The following FAM13C variants were observed in gnomAD, a reference collection of about 807,000 sequenced individuals.
FAM13C encodes family with sequence similarity 13 member C, also known as protein FAM13C.
FAM13C carries 37 observed loss-of-function variants against 73.2 expected under a neutral mutation model. That is an observed-to-expected ratio of 0.51 (90% CI 0.39 to 0.67). The LOEUF (loss-of-function observed/expected upper bound fraction) is 0.67, where lower values mean the gene tolerates loss of function less well. Among genes scored for constraint, FAM13C ranks in the 30% least tolerant of loss-of-function variants. FAM13C has a pLI of 0.00. For missense variants in FAM13C, 589 were observed against 715.6 expected, an observed-to-expected ratio of 0.82 and a Z score of 2.02; for synonymous variants, 246 against 260.9, an observed-to-expected ratio of 0.94 and a Z score of 0.55.
chr10:59,338,677 A>G (rs1235810100), intron 3 of FAM13C, among the ~76,000 whole-genome samples: 12 of 152,112 alleles, frequency 7.9e-5, no homozygotes, highest in Non-Finnish European at 1.5e-5. Context: ...AGCTTCCCCA[A>G]GGTAGAAGTC....
chr10:59,302,969 T>C (rs1036475162), intron 4 of FAM13C, 105 bp from the exon 5 acceptor site: 3 of 965,482 alleles, frequency 3.1e-6, no homozygotes, highest in African/African-American at 3.3e-5. Flanking sequence ...ATAAAAACCC[T>C]TGGTTGTGTC....
At chr10:59,305,484 T>C (rs1293825999) in intron 4 of FAM13C, among the ~76,000 whole-genome samples, 7 of 152,228 alleles carry the variant, frequency 4.6e-5, no homozygotes, top group African/African-American at 2.4e-5. Context: ...CCTAATTATT[T>C]ACAGTTACTA....
intron 6 of FAM13C, among the ~76,000 whole-genome samples, chr10:59,277,281 AG>A (rs1414606556): frequency 6.6e-6 from 1 of 152,236 alleles, no homozygotes; most frequent in Non-Finnish European, 1.5e-5. Flanking sequence ...ATCTCTAGGA[AG>A]GGTTTGGAAA....
intron 4 of FAM13C, among the ~76,000 whole-genome samples, chr10:59,318,724 G>T: frequency 6.6e-6 from 1 of 151,990 alleles, no homozygotes; most frequent in Admixed American, 6.6e-5. Context: ...TTCTATGTGG[G>T]ATACTCAACA....
At chr10:59,348,530 A>T (rs1214116586) in intron 3 of FAM13C, among the ~76,000 whole-genome samples, 1 of 152,228 alleles carries the variant, frequency 6.6e-6, no homozygotes, top group Non-Finnish European at 1.5e-5. Flanking sequence ...TGACTTATCC[A>T]CAGTTATTTC....
rs58759332 is a variant in FAM13C at position 59,287,336 on chromosome 10, C to CAAA, written c.508-3892_508-3890dup. ...TGGGTGACAGAGTGAGACTCTGTCT[C>CAAA]AAAAAAAAAAAAAAAAAAAAAAAAA... is the stretch of plus-strand genomic sequence containing the variant. On this transcript the variant is annotated intron_variant, in intron 5 of 13. Coordinates refer to ENST00000618804, the MANE Select transcript of FAM13C (RefSeq NM_198215.4). Among the ~76,000 whole-genome samples, 402 of 73,886 alleles carry CAAA rather than the reference C, an allele frequency of 5.4e-3. 8 individuals carry two copies. Among genetic ancestry groups the CAAA allele is most frequent in the Non-Finnish European group, 7.8e-3 (338 of 43,512 alleles). 48.5% of individuals were successfully genotyped at this position (73,886 alleles called of 152,430 possible).
intron 10 of FAM13C, among the ~76,000 whole-genome samples, chr10:59,257,868 A>T (rs1824428): frequency 0.75 from 114,315 of 152,140 alleles, 44,974 homozygotes; most frequent in East Asian, 0.9. Flanking sequence ...AACATTACAA[A>T]TATGTAATAT....
intron 4 of FAM13C, among the ~76,000 whole-genome samples, chr10:59,312,439 A>G (rs968365695): frequency 1.2e-4 from 18 of 152,274 alleles, no homozygotes; most frequent in African/African-American, 3.6e-4. Flanking sequence ...CACCTCCCAC[A>G]GGGATGATAT....
chr10:59,320,602 C>G (rs917236098), intron 4 of FAM13C, among the ~76,000 whole-genome samples: 24 of 152,176 alleles, frequency 1.6e-4, no homozygotes, highest in African/African-American at 5.1e-4. Flanking sequence ...CCTTCCCAGA[C>G]AGAGTAGGCT....
chr10:59,260,281 G>A (rs1169134565), intron 10 of FAM13C, among the ~76,000 whole-genome samples: 1 of 151,992 alleles, frequency 6.6e-6, no homozygotes, highest in East Asian at 1.9e-4. Flanking sequence ...ATGTAATCAC[G>A]TCATGTCACT....
chr10:59,292,341 G>A (rs1204446183), intron 5 of FAM13C, among the ~76,000 whole-genome samples: 1 of 152,190 alleles, frequency 6.6e-6, no homozygotes, highest in Admixed American at 6.5e-5. Flanking sequence ...AGCCCATATG[G>A]TTGTTTCTTT....
At chr10:59,322,201 T>C (rs1260099637) in intron 4 of FAM13C, among the ~76,000 whole-genome samples, 1 of 128,602 alleles carries the variant, frequency 7.8e-6, no homozygotes. Flanking sequence ...TATTTTGAGA[T>C]GGATTTTTTT....
intron 8 of FAM13C, among the ~76,000 whole-genome samples, chr10:59,268,096 G>A (rs2133535660): frequency 6.6e-6 from 1 of 152,050 alleles, no homozygotes; most frequent in South Asian, 2.1e-4. Context: ...CACCAACAAG[G>A]AAATACTTTA....
At chr10:59,253,071 G>A (rs1226133955) in intron 11 of FAM13C, 73 bp from the exon 12 acceptor site, 1 of 1,465,500 alleles carries the variant, frequency 6.8e-7, no homozygotes, top group Non-Finnish European at 9.5e-7. Flanking sequence ...AAAACAGGAA[G>A]GGGAACTATA....
At chr10:59,302,000 T>G (rs1485744303) in intron 5 of FAM13C, among the ~76,000 whole-genome samples, 1 of 134,146 alleles carries the variant, frequency 7.5e-6, no homozygotes, top group African/African-American at 2.8e-5. Flanking sequence ...GGGATGCATC[T>G]TCAAAACGTC....
intron 6 of FAM13C, among the ~76,000 whole-genome samples, chr10:59,280,253 C>A (rs1375615182): frequency 6.6e-6 from 1 of 151,990 alleles, no homozygotes; most frequent in Non-Finnish European, 1.5e-5. Context: ...GCAAACCAAT[C>A]CAGTTGGTTA....
chr10:59,346,512 G>A (rs1448148963), intron 3 of FAM13C, among the ~76,000 whole-genome samples: 1 of 152,176 alleles, frequency 6.6e-6, no homozygotes, highest in Non-Finnish European at 1.5e-5. Context: ...TATGATCACA[G>A]TGTACAGCTC....
intron 5 of FAM13C, among the ~76,000 whole-genome samples, chr10:59,298,347 A>C (rs1031240024): frequency 1.3e-5 from 2 of 152,248 alleles, no homozygotes; most frequent in Non-Finnish European, 2.9e-5. Context: ...AAATGTAAAC[A>C]AACTCATATT....
intron 3 of FAM13C, among the ~76,000 whole-genome samples, chr10:59,332,532 A>C (rs936909437): frequency 1.1e-4 from 16 of 152,198 alleles, no homozygotes; most frequent in Non-Finnish European, 1.6e-4. Flanking sequence ...TGAAATGCTA[A>C]AGAATTTTAA....
Sources: allele counts gnomAD v4.1 joint callset (sites outside exome capture counted in the v4.1 genomes callset), GRCh38; gene constraint gnomAD v4.1.1; transcripts MANE v1.5; gene names NCBI Gene and HGNC (gene_info 2026-07-23, HGNC 2026-07-21).